The following PLXDC2 variants were observed in gnomAD, a reference collection of about 807,000 sequenced individuals.
The protein encoded by PLXDC2 is plexin domain containing 2, also known as plexin domain-containing protein 2.
PLXDC2 carries 40 observed loss-of-function variants against 68.9 expected under a neutral mutation model. The observed-to-expected ratio is 0.58, with a 90% CI of 0.45 to 0.76. PLXDC2 has a LOEUF of 0.76. Ranked by LOEUF, PLXDC2 falls within the 30% of genes least tolerant of loss-of-function variation. The pLI is 0.00. For missense variants in PLXDC2, 644 were observed against 661.9 expected (o/e 0.97, Z 0.30); for synonymous variants, 243 against 234.2 (o/e 1.04, Z -0.34).
At chr10:20,219,242 A>G (rs1436588588) in intron 12 of PLXDC2, 140 bp downstream of exon 12, 9 of 883,918 alleles carry the variant, frequency 1.0e-5, no homozygotes, top group African/African-American at 1.7e-5. Context: ...TAACATGGGA[A>G]GGAGTCAGTG....
rs1769719954 is a variant in PLXDC2 at position 20,287,984 on chromosome 10, G to GA, written c.*8166dup. 1 of 105,888 alleles carries GA rather than the reference G, an allele frequency of 9.4e-6. No homozygotes were observed. The highest frequency in any genetic ancestry group is 3.6e-5 in the African/African-American group (1 of 27,746). The allele number at this position is 105,888 out of a possible 1,614,324, so 6.6% of individuals were successfully genotyped here. ...AAATTGGGCACTTCTTGCGGCGGGG[G>GA]AGGGGGGGGGGGCGGTGGCTTTCCA... On this transcript the variant is annotated 3_prime_UTR_variant, in exon 14 of 14. Coordinates refer to ENST00000377252, the MANE Select transcript of PLXDC2 (RefSeq NM_032812.9).
chr10:20,182,649 T>C (rs1350443835), intron 9 of PLXDC2, among the ~76,000 whole-genome samples: 2 of 151,824 alleles, frequency 1.3e-5, no homozygotes, highest in African/African-American at 2.4e-5. Context: ...ATCAAATTGG[T>C]TTTCTATAGT....
chr10:19,837,506 A>T lies in PLXDC2; in HGVS notation c.112+20315A>T, dbSNP rs542101353. ...TGAGTTGGAAAGAAAGTAAAAGATGATAAATGGGTGGCTTAGGTCAGGTTC... is the reference window on the plus strand; with the variant it reads ...TGAGTTGGAAAGAAAGTAAAAGATGTTAAATGGGTGGCTTAGGTCAGGTTC... On this transcript the variant is annotated intron_variant, in intron 1 of 13. Transcript: ENST00000377252. Among the ~76,000 whole-genome samples the T allele has an allele frequency of 3.6e-4, 55 of 151,920 alleles. 1 individual carries two copies. Among genetic ancestry groups the T allele is most frequent in the African/African-American group, 1.3e-3 (55 of 41,450 alleles).
chr10:20,246,588 G>T (rs1475425655), intron 13 of PLXDC2, among the ~76,000 whole-genome samples: 1 of 152,200 alleles, frequency 6.6e-6, no homozygotes, highest in Non-Finnish European at 1.5e-5. Context: ...GACCACAAGT[G>T]ATCCTCCCGC....
chr10:20,122,730 G>A (rs1162094221), intron 4 of PLXDC2, among the ~76,000 whole-genome samples: 1 of 152,190 alleles, frequency 6.6e-6, no homozygotes, highest in Admixed American at 6.5e-5. Context: ...TCACAGTGGA[G>A]GCAAGGAATT....
At chr10:20,029,679 T>A (rs1835467332) in intron 2 of PLXDC2, among the ~76,000 whole-genome samples, 1 of 152,226 alleles carries the variant, frequency 6.6e-6, no homozygotes, top group South Asian at 2.1e-4. Context: ...TTACAAAGTA[T>A]AAATGCCAGG....
At chr10:20,262,076 C>G (rs1190323840) in intron 13 of PLXDC2, among the ~76,000 whole-genome samples, 1 of 152,110 alleles carries the variant, frequency 6.6e-6, no homozygotes, top group African/African-American at 2.4e-5. Flanking sequence ...AAGGAAACAA[C>G]TTGACCCACA....
chr10:20,221,569 G>A (rs914683816), intron 12 of PLXDC2, among the ~76,000 whole-genome samples: 1 of 152,150 alleles, frequency 6.6e-6, no homozygotes, highest in African/African-American at 2.4e-5. Context: ...TTCTTCAAAA[G>A]GGTACTTAAG....
At position 20,177,026 on chromosome 10, in the gene PLXDC2, A is replaced by G; in HGVS notation, c.911A>G (p.Tyr304Cys). 1 of 1,610,654 alleles carries G rather than the reference A, an allele frequency of 6.2e-7. No homozygotes were observed. Among genetic ancestry groups the G allele is most frequent in the Non-Finnish European group, 8.5e-7 (1 of 1,178,594 alleles). The change falls in exon 8 of 14, where the codon TAC (tyrosine) becomes TGC (cysteine). Residue 304 changes from tyrosine (Y) to cysteine (C), a missense_variant. Physicochemically the swap from Tyr to Cys is radical, Grantham distance 194 (BLOSUM62 -2). This residue lies in a region of PLXDC2 where 330 missense variants were observed against 327.9 expected (regional missense o/e 1.01). Coordinates refer to ENST00000377252, the MANE Select transcript of PLXDC2 (RefSeq NM_032812.9). ...GTTCGAAGAAGAACAATTTATGAAT[A>G]CCACCGAGTAGAGCTACAAATGTCA... is the stretch of plus-strand genomic sequence containing the variant. ...PNVRRRTIYE[Y>C]HRVELQMSKI...
intron 12 of PLXDC2, among the ~76,000 whole-genome samples, chr10:20,221,640 T>A (rs1564358523): frequency 6.6e-6 from 1 of 152,162 alleles, no homozygotes; most frequent in Non-Finnish European, 1.5e-5. Context: ...TGTTTTTTAT[T>A]TTATGGAATG....
At chr10:20,273,021 A>C (rs1835958923) in intron 13 of PLXDC2, among the ~76,000 whole-genome samples, 1 of 152,232 alleles carries the variant, frequency 6.6e-6, no homozygotes, top group African/African-American at 2.4e-5. Context: ...TGGTGTCTTC[A>C]ACCTATATGG....
At chr10:20,105,530 C>T (rs1379105341) in intron 4 of PLXDC2, among the ~76,000 whole-genome samples, 1 of 152,154 alleles carries the variant, frequency 6.6e-6, no homozygotes, top group Non-Finnish European at 1.5e-5. Flanking sequence ...CAATTCAGTT[C>T]TTGTGTTCTC....
intron 3 of PLXDC2, among the ~76,000 whole-genome samples, chr10:20,054,151 G>A (rs189579656): frequency 6.6e-6 from 1 of 152,096 alleles, no homozygotes; most frequent in Non-Finnish European, 1.5e-5. Flanking sequence ...AGTGGAGGGC[G>A]TCAGATGTGA....
At chr10:19,982,205 A>G (rs973292147) in intron 1 of PLXDC2, among the ~76,000 whole-genome samples, 1 of 152,236 alleles carries the variant, frequency 6.6e-6, no homozygotes, top group Admixed American at 6.5e-5. Context: ...AGTCATTTGA[A>G]ATAATATTTC....
At chr10:20,230,268 C>T (rs1835343413) in intron 12 of PLXDC2, among the ~76,000 whole-genome samples, 1 of 152,136 alleles carries the variant, frequency 6.6e-6, no homozygotes, top group African/African-American at 2.4e-5. Flanking sequence ...AAAATATGTA[C>T]ACTGCAAATA....
chr10:20,258,731 G>T (rs923195007), intron 13 of PLXDC2, among the ~76,000 whole-genome samples: 1 of 151,966 alleles, frequency 6.6e-6, no homozygotes, highest in African/African-American at 2.4e-5. Flanking sequence ...CTTCTGGCCG[G>T]GTGCGGTGGC....
chr10:20,032,684 T>C (rs945292807), intron 2 of PLXDC2, among the ~76,000 whole-genome samples: 1 of 152,026 alleles, frequency 6.6e-6, no homozygotes, highest in Non-Finnish European at 1.5e-5. Flanking sequence ...GGAGTTTGTA[T>C]GTGTTATATA....
At chr10:20,234,335 A>G (rs1835404298) in intron 12 of PLXDC2, among the ~76,000 whole-genome samples, 1 of 152,206 alleles carries the variant, frequency 6.6e-6, no homozygotes, top group African/African-American at 2.4e-5. Context: ...GTTCTGTTCC[A>G]CATTCAAGAC....
At chr10:20,270,628 T>G (rs1588554208) in intron 13 of PLXDC2, among the ~76,000 whole-genome samples, 1 of 151,960 alleles carries the variant, frequency 6.6e-6, no homozygotes, top group African/African-American at 2.4e-5. Context: ...CACTGCAATC[T>G]CCGCCTGCCA....
Sources: allele counts gnomAD v4.1 joint callset (sites outside exome capture counted in the v4.1 genomes callset), GRCh38; gene constraint gnomAD v4.1.1; regional missense constraint gnomAD v4.1.1; transcripts MANE v1.5; gene names NCBI Gene and HGNC (gene_info 2026-07-23, HGNC 2026-07-21).